LRRC24: variants seen among roughly 807,000 people sequenced by gnomAD.
LRRC24 encodes the protein leucine-rich repeat-containing protein 24.
A neutral mutation model predicts 15.3 loss-of-function variants in LRRC24; 19 were observed. That is an observed-to-expected ratio of 1.25 (90% CI 0.87 to 1.83). LRRC24 has a LOEUF of 1.83. LRRC24 is among the 40% of genes most tolerant of loss of function. The probability of loss-of-function intolerance (pLI) is 0.00; values close to 1 mark genes in which losing one functional copy is unlikely to be tolerated. For synonymous variants in LRRC24, 469 were observed against 359.6 expected (o/e 1.30, Z -3.44); for missense variants, 914 against 723.9 (o/e 1.26, Z -3.01).
At position 144,524,742 on chromosome 8, in the gene LRRC24, G is replaced by T. The variant is rs568179250; in HGVS notation, c.160-23C>A. 1,876 of 1,439,690 alleles carry T rather than the reference G, an allele frequency of 1.3e-3. 15 individuals are homozygous for T. The highest frequency in any genetic ancestry group is 9.6e-3 in the Middle Eastern group (48 of 4,994). The allele number at this position is 1,439,690 out of a possible 1,614,324, so 89.2% of individuals were successfully genotyped here. ...TGTCTGCAGGCCGGGGAAAGAGGAGGCGCTTACCCCGTTGCGGGGGTCTTC... is the reference window on the plus strand; with the variant it reads ...TGTCTGCAGGCCGGGGAAAGAGGAGTCGCTTACCCCGTTGCGGGGGTCTTC... On this transcript the variant is annotated intron_variant, in intron 2 of 4. Transcript: ENST00000529415.
intron 1 of LRRC24, 52 bp from the exon 2 acceptor site, chr8:144,525,085 A>G: frequency 8.0e-7 from 1 of 1,245,004 alleles, no homozygotes; most frequent in Non-Finnish European, 1.0e-6. Flanking sequence ...CAGCCAATAG[A>G]TGGAATGGAG....
Position 144,524,338 on chromosome 8 carries a change from CTTCTT to C in LRRC24, c.439-65_439-61del. The C allele has an allele frequency of 1.9e-6, 3 of 1,599,582 alleles. No homozygotes were observed. In the South Asian group the frequency reaches 3.3e-5, roughly 18 times the overall value. On this transcript the variant is annotated intron_variant, in intron 3 of 4. Transcript: ENST00000529415. ...GCGCCGAGGTTGGGGGCATGTCTCT[CTTCTT>C]ACCAAGCTAGACTGGGTTGCCTTTT... is the stretch of plus-strand genomic sequence containing the variant.
intron 2 of LRRC24, 34 bp downstream of exon 2, chr8:144,524,782 A>AG (rs1447117477): frequency 7.0e-7 from 1 of 1,435,280 alleles, no homozygotes; most frequent in Non-Finnish European, 9.1e-7. Context: ...CCCTGGGGGC[A>AG]CCCCGTCCTC....
chr8:144,525,064 C>T, intron 1 of LRRC24, 31 bp from the exon 2 acceptor site: 1 of 1,337,868 alleles, frequency 7.5e-7, no homozygotes, highest in African/African-American at 1.5e-5. Flanking sequence ...CCAGTCTCGG[C>T]AGTCGAGAGC....
Position 144,524,723 on chromosome 8 carries a change from C to A in LRRC24, c.160-4G>T. 1 of 1,447,036 alleles carries A rather than the reference C, an allele frequency of 6.9e-7. No individual in the cohort carries two copies. The highest frequency in any genetic ancestry group is 1.4e-5 in the South Asian group (1 of 70,942). 89.6% of individuals were successfully genotyped at this position (1,447,036 alleles called of 1,614,324 possible). ...TGTTGTCCTGCAGGAACAGTGTCTG[C>A]AGGCCGGGGAAAGAGGAGGCGCTTA... is the stretch of plus-strand genomic sequence containing the variant. On this transcript the variant is annotated splice_polypyrimidine_tract_variant and splice_region_variant and intron_variant, in intron 2 of 4. Transcript: ENST00000529415.
chr8:144,526,154 C>T (rs1400047504), intron 1 of LRRC24: 6 of 152,214 alleles, frequency 3.9e-5, no homozygotes, highest in Non-Finnish European at 7.3e-5. Flanking sequence ...GACCAAGTGG[C>T]CTTGGTGTTT....
rs768914319 is a variant in LRRC24 at position 144,522,587 on chromosome 8, T to G, written c.1430A>C (p.Lys477Thr). The change falls in exon 5 of 5, where the codon AAG becomes ACG. Residue 477 changes from lysine (K) to threonine (T), a missense_variant. By Grantham distance (78) the Lys-to-Thr change is moderately conservative. Transcript: ENST00000529415. ...GHEMFVINRS[K>T]PLFAEGPAEA... Reference sequence around the variant, plus strand: ...CGCCGGACCCTCGGCGAAGAGCGGCTTGGAGCGGTTGATGACGAACATCTC... The same window carrying G: ...CGCCGGACCCTCGGCGAAGAGCGGCGTGGAGCGGTTGATGACGAACATCTC... 6.4e-7 allele frequency: 1 copy of G among 1,561,930 alleles called. No individual in the cohort carries two copies. Among genetic ancestry groups the G allele is most frequent in the South Asian group, 1.2e-5 (1 of 85,220 alleles).
In LRRC24 at chr8:144,522,697, C is replaced by G; in HGVS notation, c.1320G>C (p.Gly440=). 1.3e-6 allele frequency: 2 copies of G among 1,595,710 alleles called. No homozygotes were observed. The highest frequency in any genetic ancestry group is 8.5e-7 in the Non-Finnish European group (1 of 1,172,290). The change falls in exon 5 of 5, where the codon GGG becomes GGC. Residue 440 remains glycine (G), a synonymous_variant. Coordinates refer to ENST00000529415, the MANE Select transcript of LRRC24 (RefSeq NM_001024678.4). ...AGTCGTTGACGAACAGCGCTCCCTC[C>G]CCCGGAGGCCCCCGCGCCTTTTTTC... is the stretch of plus-strand genomic sequence containing the variant. ...RRRKKARGPP[G]EGALFVNDYL...
chr8:144,523,331 G>A lies in LRRC24; in HGVS notation c.686C>T (p.Ser229Phe), dbSNP rs1816206104. 2 of 1,596,726 alleles carry A rather than the reference G, an allele frequency of 1.3e-6. No homozygotes were observed. The highest frequency in any genetic ancestry group is 1.3e-5 in the African/African-American group (1 of 74,570). ...IKEGGQRLLT[S>F]RDRKIMCAEP... Reference sequence around the variant, plus strand: ...TGCACACATGATCTTCCTGTCCCTGGAGGTGAGCAGCCGCTGGCCGCCCTC... The same window carrying A: ...TGCACACATGATCTTCCTGTCCCTGAAGGTGAGCAGCCGCTGGCCGCCCTC... The change falls in exon 5 of 5, where the codon TCC (serine) becomes TTC (phenylalanine). Residue 229 changes from serine (S) to phenylalanine (F), a missense_variant. By Grantham distance (155) the Ser-to-Phe change is radical (BLOSUM62 -2). Coordinates refer to ENST00000529415, the MANE Select transcript of LRRC24 (RefSeq NM_001024678.4).
In LRRC24 at chr8:144,524,125, C is replaced by G; in HGVS notation, c.592G>C (p.Val198Leu). Residue 198 changes from valine to leucine, a missense_variant, in exon 4 of 5, where the codon GTC (valine) becomes CTC (leucine). Transcript: ENST00000529415. ...GAAGAGGTACCTGTGAGGCGCAGGA[C>G]TTGCAGACTGGCCAGGGGCTGCAGG... ...EALQPLASLQ[V>L]LRLTENPWRC... The G allele has an allele frequency of 6.2e-7, 1 of 1,603,912 alleles. No homozygotes were observed. The highest frequency in any genetic ancestry group is 8.5e-7 in the Non-Finnish European group (1 of 1,173,358).
Position 144,524,822 on chromosome 8 carries a change from C to T in LRRC24, c.153G>A (p.Gly51=), listed in dbSNP as rs888025541. Residue 51 remains glycine (G), a synonymous_variant, in exon 2 of 5, where the codon GGG becomes GGA. Coordinates refer to ENST00000529415, the MANE Select transcript of LRRC24 (RefSeq NM_001024678.4). ...LRVVPLGIPP[G]TQTLFLQDNN... ...AGCTCCACACGGTGCCCACCTGCGT[C>T]CCTGGCGGGATTCCCAGCGGGACGA... 14 of 1,469,242 alleles carry T rather than the reference C, an allele frequency of 9.5e-6. No homozygotes were observed. The East Asian group carries it at 2.6e-4, about 27-fold the overall frequency. 91.0% of individuals were successfully genotyped at this position (1,469,242 alleles called of 1,614,324 possible). A position where few individuals can be genotyped will look rare whatever the true frequency, so the allele number is the denominator to read the frequency against.
intron 4 of LRRC24, 196 bp from the exon 5 acceptor site, chr8:144,523,605 C>G: frequency 1.3e-6 from 1 of 788,712 alleles, no homozygotes; most frequent in South Asian, 3.0e-5. Context: ...GCCCCCCTCC[C>G]CTTTAGCTCT....
intron 4 of LRRC24, 155 bp from the exon 5 acceptor site, chr8:144,523,564 A>G: frequency 8.0e-7 from 1 of 1,244,352 alleles, no homozygotes; most frequent in Non-Finnish European, 1.0e-6. Context: ...CTTGACCCCA[A>G]GCTCCTTGGG....
At position 144,523,240 on chromosome 8, in the gene LRRC24, C is replaced by G. The variant is rs992489367; in HGVS notation, c.777G>C (p.Pro259=). 1 of 1,610,018 alleles carries G rather than the reference C, an allele frequency of 6.2e-7. No homozygotes were observed. Among genetic ancestry groups the G allele is most frequent in the South Asian group, 1.1e-5 (1 of 90,680 alleles). ...CCAGCGGCTGCACGTGGACAGAGGGCGGAATGCAGATGAGGCTGCTGTGGG... is the reference window on the plus strand; with the variant it reads ...CCAGCGGCTGCACGTGGACAGAGGGGGGAATGCAGATGAGGCTGCTGTGGG... ...DVSHSSLICI[P]PSVHVQPLEL... is the part of the protein sequence containing the mutation. Residue 259 remains proline (P), a synonymous_variant, in exon 5 of 5, where the codon CCG becomes CCC. Transcript: ENST00000529415.
Position 144,522,573 on chromosome 8 carries a change from C to G in LRRC24, c.1444G>C (p.Glu482Gln), listed in dbSNP as rs368565592. Residue 482 changes from glutamate (E) to glutamine (Q), a missense_variant, in exon 5 of 5, where the codon GAG becomes CAG. Glu to Gln is a conservative substitution (Grantham distance 29, BLOSUM62 2). Coordinates refer to ENST00000529415, the MANE Select transcript of LRRC24 (RefSeq NM_001024678.4). ...VINRSKPLFA[E>Q]GPAEAPADCG... ...TCAGCGGGCGCCTCCGCCGGACCCTCGGCGAAGAGCGGCTTGGAGCGGTTG... is the reference window on the plus strand; with the variant it reads ...TCAGCGGGCGCCTCCGCCGGACCCTGGGCGAAGAGCGGCTTGGAGCGGTTG... 3 of 1,553,856 alleles carry G rather than the reference C, an allele frequency of 1.9e-6. No homozygotes were observed. The highest frequency in any genetic ancestry group is 2.8e-5 in the African/African-American group (2 of 70,996).
rs1586856084 is a variant in LRRC24 at position 144,524,338 on chromosome 8, C to T, written c.439-60G>A. 14 of 1,599,582 alleles carry T rather than the reference C, an allele frequency of 8.8e-6. No individual in the cohort carries two copies. The East Asian group carries it at 1.1e-4, about 13-fold the overall frequency. ...GCGCCGAGGTTGGGGGCATGTCTCT[C>T]TTCTTACCAAGCTAGACTGGGTTGC... On this transcript the variant is annotated intron_variant, in intron 3 of 4. Coordinates refer to ENST00000529415, the MANE Select transcript of LRRC24 (RefSeq NM_001024678.4).
Position 144,523,221 on chromosome 8 carries a change from G to T in LRRC24, c.796C>A (p.Pro266Thr), listed in dbSNP as rs1393708063. The T allele has an allele frequency of 6.2e-7, 1 of 1,609,384 alleles. No homozygotes were observed. The highest frequency in any genetic ancestry group is 1.3e-5 in the African/African-American group (1 of 74,884). Residue 266 changes from proline (P) to threonine (T), a missense_variant, in exon 5 of 5, where the codon CCG becomes ACG. Physicochemically the swap from Pro to Thr is conservative, Grantham distance 38. Coordinates refer to ENST00000529415, the MANE Select transcript of LRRC24 (RefSeq NM_001024678.4). ...CCCAGGTTGGCTGTGAGCTCCAGCGGCTGCACGTGGACAGAGGGCGGAATG... is the reference window on the plus strand; with the variant it reads ...CCCAGGTTGGCTGTGAGCTCCAGCGTCTGCACGTGGACAGAGGGCGGAATG... ...ICIPPSVHVQ[P>T]LELTANLGED...
chr8:144,522,887 G>A lies in LRRC24; in HGVS notation c.1130C>T (p.Pro377Leu), dbSNP rs1816177332. Residue 377 changes from proline to leucine, a missense_variant, in exon 5 of 5, where the codon CCT becomes CTT. Transcript: ENST00000529415. ...GCTGCCGGCGGGGCGGGCGGCCGGA[G>A]GCGGCGGTTGCGCGGGCTGCTGCGG... ...QQPQQPAQPP[P>L]PAARPAGSEP... 1.6e-6 allele frequency: 2 copies of A among 1,276,782 alleles called. No individual in the cohort carries two copies. The highest frequency in any genetic ancestry group is 1.6e-5 in the African/African-American group (1 of 64,504). 79.1% of individuals were successfully genotyped at this position (1,276,782 alleles called of 1,614,324 possible).
In LRRC24 at chr8:144,524,605, C is replaced by A; in HGVS notation, c.274G>T (p.Gly92Cys). ...AGGCGCGGCTGCGCGCGGAAGGCGC[C>A]GGCCTCCAGGGCGCGCAGGCTGTTG... is the stretch of plus-strand genomic sequence containing the variant. Reference protein sequence around the residue: ...HNNSLRALEAGAFRAQPRLLE... With the variant: ...HNNSLRALEACAFRAQPRLLE... Residue 92 changes from glycine (G) to cysteine (C), a missense_variant, in exon 3 of 5, where the codon GGC becomes TGC. Coordinates refer to ENST00000529415, the MANE Select transcript of LRRC24 (RefSeq NM_001024678.4). 6.5e-7 allele frequency: 1 copy of A among 1,526,880 alleles called. No individual in the cohort carries two copies. Among genetic ancestry groups the A allele is most frequent in the Non-Finnish European group, 8.7e-7 (1 of 1,145,744 alleles). The allele number at this position is 1,526,880 out of a possible 1,614,324, so 94.6% of individuals were successfully genotyped here. A position where few individuals can be genotyped will look rare whatever the true frequency, so the allele number is the denominator to read the frequency against.
Sources: gnomAD v4.1 joint callset for allele counts on GRCh38, gnomAD v4.1.1 for gene constraint, MANE v1.5 for transcripts, NCBI Gene and HGNC (gene_info 2026-07-23, HGNC 2026-07-21) for gene names.